The following RBFOX2 variants were observed in gnomAD, a reference collection of about 807,000 sequenced individuals.
The protein encoded by RBFOX2 is RNA binding fox-1 homolog 2, also known as RNA binding protein fox-1 homolog 2.
RBFOX2 carries 10 observed loss-of-function variants against 49.1 expected under a neutral mutation model. The observed-to-expected ratio is 0.20, with a 90% confidence interval of 0.13 to 0.35. The LOEUF is 0.35. RBFOX2 is among the 10% of genes least tolerant of loss of function. RBFOX2 has a pLI of 1.00. For missense variants in RBFOX2, 323 were observed against 486.9 expected (o/e 0.66, Z 3.17); for synonymous variants, 183 against 187.4 (o/e 0.98, Z 0.19).
rs553688931 is a variant in RBFOX2 at position 35,800,232 on chromosome 22, T to C, written c.252+9548A>G. 9.8e-5 allele frequency among the ~76,000 whole-genome samples: 15 copies of C among 152,292 alleles called. No homozygotes were observed. In the South Asian group the frequency reaches 3.1e-3, roughly 32 times the overall value. ...TTCTACCTTCATAATGTCTCCTGAATTCATTCCCCCTCTACATAACCACTT... is the reference window on the plus strand; with the variant it reads ...TTCTACCTTCATAATGTCTCCTGAACTCATTCCCCCTCTACATAACCACTT... On this transcript the variant is annotated intron_variant, in intron 2 of 11. Coordinates refer to ENST00000405409, the Ensembl canonical transcript of RBFOX2.
At chr22:35,949,126 T>C (rs1467006664) in intron 1 of RBFOX2, among the ~76,000 whole-genome samples, 2 of 152,246 alleles carry the variant, frequency 1.3e-5, no homozygotes, top group Non-Finnish European at 2.9e-5. Flanking sequence ...CATATCTTTG[T>C]GGTTCATCCA....
intron 1 of RBFOX2, chr22:35,997,912 G>C (rs2058255971): frequency 6.6e-6 from 1 of 152,232 alleles, no homozygotes. Flanking sequence ...TTAGGTGGGA[G>C]GACTGCTTGA....
intron 1 of RBFOX2, among the ~76,000 whole-genome samples, chr22:35,938,075 C>T (rs2053300581): frequency 6.6e-6 from 1 of 152,108 alleles, no homozygotes; most frequent in South Asian, 2.1e-4. Flanking sequence ...TAGGAGCTAC[C>T]CTTTCAAATC....
At chr22:36,027,519 AT>A (rs888643145) in intron 1 of RBFOX2, among the ~76,000 whole-genome samples, 22 of 152,180 alleles carry the variant, frequency 1.4e-4, no homozygotes, top group African/African-American at 5.1e-4. Context: ...CTATAAAAAA[AT>A]TTTTTTTATA....
At chr22:36,001,196 C>T (rs2058403885) in intron 1 of RBFOX2, among the ~76,000 whole-genome samples, 2 of 120,932 alleles carry the variant, frequency 1.7e-5, no homozygotes, top group African/African-American at 5.5e-5. Flanking sequence ...CACACACACA[C>T]ACACACACAC....
intron 1 of RBFOX2, among the ~76,000 whole-genome samples, chr22:35,833,737 T>C (rs1003778894): frequency 6.6e-6 from 1 of 152,228 alleles, no homozygotes; most frequent in Admixed American, 6.5e-5. Context: ...ACAGAAATGC[T>C]GGAGCCAAAC....
chr22:36,008,257 T>G (rs1329475692), intron 1 of RBFOX2, among the ~76,000 whole-genome samples: 1 of 152,154 alleles, frequency 6.6e-6, no homozygotes, highest in African/African-American at 2.4e-5. Flanking sequence ...TATAAGAACA[T>G]TCCATTAACT....
chr22:35,763,849 G>C (rs556010033), intron 6 of RBFOX2, among the ~76,000 whole-genome samples: 3 of 152,110 alleles, frequency 2.0e-5, no homozygotes, highest in Non-Finnish European at 4.4e-5. Flanking sequence ...TATGAAAACA[G>C]AATTAGGTTA....
chr22:35,843,981 C>T (rs79063630), upstream of RBFOX2, among the ~76,000 whole-genome samples: 45 of 152,330 alleles, frequency 3.0e-4, no homozygotes, highest in South Asian at 4.8e-3. Context: ...TTTACCCTGA[C>T]GGCTCCCACA....
chr22:35,857,284 A>G (rs1021471543), intron 1 of RBFOX2, among the ~76,000 whole-genome samples: 4 of 152,254 alleles, frequency 2.6e-5, no homozygotes, highest in African/African-American at 2.4e-5. Flanking sequence ...AAAAGGGAAC[A>G]ACCTAAAGGT....
chr22:35,970,061 G>A (rs1169674353), intron 1 of RBFOX2, among the ~76,000 whole-genome samples: 1 of 152,150 alleles, frequency 6.6e-6, no homozygotes, highest in African/African-American at 2.4e-5. Context: ...TTTACACCTA[G>A]TCAAATGGGG....
At chr22:35,830,196 A>T (rs1956517038) in intron 1 of RBFOX2, among the ~76,000 whole-genome samples, 1 of 152,242 alleles carries the variant, frequency 6.6e-6, no homozygotes, top group Non-Finnish European at 1.5e-5. Context: ...TATTTGCTGG[A>T]TGCTGACACT....
At chr22:35,998,199 T>C (rs1002093606) in intron 1 of RBFOX2, 4 of 152,092 alleles carry the variant, frequency 2.6e-5, no homozygotes, top group Non-Finnish European at 5.9e-5. Context: ...TTCCCACCAA[T>C]ACAATAGCAA....
chr22:35,910,395 C>G (rs761928831), intron 1 of RBFOX2, among the ~76,000 whole-genome samples: 1 of 152,162 alleles, frequency 6.6e-6, no homozygotes. Flanking sequence ...TTCACATATA[C>G]TCATAGGAAG....
chr22:35,744,081 TTTTTTGTTTGTTTG>T, exon 12 of RBFOX2: 1 of 822,252 alleles, frequency 1.2e-6, no homozygotes, highest in Non-Finnish European at 1.7e-6. Flanking sequence ...TTTTGTGTTT[TTTTTTGTTTGTTTG>T]TTTGTTTTTC....
chr22:35,759,928 C>T lies in RBFOX2; in HGVS notation c.847G>A (p.Val283Ile). ...ATGGCTGTTGGAGGTACCGCTCGGA[C>T]TGCACCATATACTGTCCGCCCTCTG... The change falls in exon 9 of 12, where the codon GTC becomes ATC. Residue 283 changes from valine to isoleucine, a missense_variant. Around this residue, in one of 2 missense-constraint regions of RBFOX2, gnomAD observed 200 missense variants for 370.0 expected, o/e 0.54. Coordinates refer to ENST00000405409, the Ensembl canonical transcript of RBFOX2. The surrounding 1 kb of genome is among the most constrained non-coding windows in gnomAD (Gnocchi z 4.6). 1 of 1,613,686 alleles carries T rather than the reference C, an allele frequency of 6.2e-7. No individual in the cohort carries two copies. The highest frequency in any genetic ancestry group is 8.5e-7 in the Non-Finnish European group (1 of 1,180,024).
At chr22:35,890,610 G>C (rs1390791160) in intron 1 of RBFOX2, among the ~76,000 whole-genome samples, 1 of 152,052 alleles carries the variant, frequency 6.6e-6, no homozygotes, top group Non-Finnish European at 1.5e-5. Flanking sequence ...ACAAGACGAG[G>C]CTAATTGTGG....
chr22:35,893,033 G>A (rs1237059846), intron 1 of RBFOX2, among the ~76,000 whole-genome samples: 2 of 152,210 alleles, frequency 1.3e-5, no homozygotes, highest in African/African-American at 4.8e-5. Flanking sequence ...GTAAACAAAG[G>A]CATTGGGCTA....
chr22:35,814,229 A>G (rs1015434431), intron 1 of RBFOX2, among the ~76,000 whole-genome samples: 5 of 152,142 alleles, frequency 3.3e-5, no homozygotes, highest in African/African-American at 1.2e-4. Flanking sequence ...GGAACCTCCC[A>G]GCCCCCGCCC....
Sources: gnomAD v4.1 joint callset for allele counts (sites outside exome capture counted in the v4.1 genomes callset) on GRCh38, gnomAD v4.1.1 for gene constraint, gnomAD v4.1.1 regional missense constraint, Gnocchi (gnomAD v3.1) non-coding constraint, MANE v1.5 for transcripts, NCBI Gene and HGNC (gene_info 2026-07-23, HGNC 2026-07-21) for gene names.